CLNK: variants seen among roughly 807,000 people sequenced by gnomAD.
CLNK encodes the protein cytokine-dependent hematopoietic cell linker.
Under a neutral mutation model 68.6 loss-of-function variants are expected in CLNK, and 74 were observed. The observed-to-expected ratio is 1.08, with a 90% confidence interval of 0.89 to 1.31. The LOEUF (loss-of-function observed/expected upper bound fraction) is 1.31. Among genes scored for constraint, CLNK ranks in the 50% most tolerant of loss-of-function variants. CLNK has a pLI of 0.00. For missense variants in CLNK, 553 were observed against 515.3 expected, an observed-to-expected ratio of 1.07 and a Z score of -0.71; for synonymous variants, 198 against 172.2, an observed-to-expected ratio of 1.15 and a Z score of -1.17.
chr4:10,726,964 G>A, the CLNK span, among the ~76,000 whole-genome samples: 13 of 152,234 alleles, frequency 8.5e-5, no homozygotes, highest in East Asian at 1.9e-3. Flanking sequence ...GCAAGTGACG[G>A]GCCAAAATGC....
At chr4:10,734,455 A>G in the CLNK span, among the ~76,000 whole-genome samples, 3 of 152,194 alleles carry the variant, frequency 2.0e-5, no homozygotes, top group African/African-American at 7.2e-5. Context: ...TTTACTCAGG[A>G]CCAGTCTGTT....
chr4:10,692,830 C>T, the CLNK span, among the ~76,000 whole-genome samples: 1 of 152,108 alleles, frequency 6.6e-6, no homozygotes, highest in Non-Finnish European at 1.5e-5. Context: ...ACTTGCTCAG[C>T]CTTGTAGATT....
intron 11 of CLNK, 111 bp from the exon 12 acceptor site, chr4:10,532,394 G>T: frequency 1.2e-6 from 1 of 820,866 alleles, no homozygotes; most frequent in Non-Finnish European, 2.0e-6. Flanking sequence ...CAAATTAACA[G>T]CCCATAGTCC....
At chr4:10,701,622 A>C in the CLNK span, among the ~76,000 whole-genome samples, 1 of 152,228 alleles carries the variant, frequency 6.6e-6, no homozygotes, top group Non-Finnish European at 1.5e-5. Context: ...ACTGATCCTA[A>C]GAAACACTTA....
At chr4:10,718,876 A>G in the CLNK span, among the ~76,000 whole-genome samples, 1 of 152,114 alleles carries the variant, frequency 6.6e-6, no homozygotes, top group Non-Finnish European at 1.5e-5. Context: ...TGATAATTAT[A>G]TTATAAATGG....
At chr4:10,531,849 T>C (rs1001425892) in intron 12 of CLNK, 38 of 463,764 alleles carry the variant, frequency 8.2e-5, no homozygotes, top group Non-Finnish European at 1.4e-4. Context: ...CCAGGTCTTG[T>C]GCAACTTTGG....
intron 14 of CLNK, among the ~76,000 whole-genome samples, chr4:10,521,838 T>C (rs1017045743): frequency 6.6e-6 from 1 of 152,142 alleles, no homozygotes; most frequent in African/African-American, 2.4e-5. Flanking sequence ...ATAGCAAAAT[T>C]TCTCTGCGCT....
chr4:10,564,560 A>T lies in CLNK; in HGVS notation c.399+111T>A, dbSNP rs1720023761. The stretch of plus-strand genomic sequence containing the variant: ...CCTCCCATCCACCTCAGTGAGCTTG[A>T]CCTGCTCTTTCCCTAATAAGATGGC... On this transcript the variant is annotated intron_variant, in intron 7 of 18. Transcript: ENST00000226951. The T allele has an allele frequency of 5.4e-6, 4 of 744,486 alleles. No homozygotes were observed. In the African/African-American group the frequency reaches 6.9e-5, roughly 13 times the overall value. 46.1% of individuals were successfully genotyped at this position (744,486 alleles called of 1,614,324 possible).
chr4:10,594,976 C>G (rs1161101061), intron 3 of CLNK, among the ~76,000 whole-genome samples: 1 of 152,150 alleles, frequency 6.6e-6, no homozygotes, highest in Non-Finnish European at 1.5e-5. Flanking sequence ...TGCCTGTAAT[C>G]CCAGCTACTG....
At chr4:10,602,811 A>G (rs1721639414) in intron 2 of CLNK, among the ~76,000 whole-genome samples, 1 of 152,234 alleles carries the variant, frequency 6.6e-6, no homozygotes, top group South Asian at 2.1e-4. Flanking sequence ...AAATGTACAC[A>G]TGGTCTAGAA....
intron 2 of CLNK, among the ~76,000 whole-genome samples, chr4:10,631,186 C>G (rs1283791643): frequency 1.3e-5 from 2 of 152,166 alleles, no homozygotes; most frequent in African/African-American, 4.8e-5. Context: ...CCGAAGAGCT[C>G]TACAGGTTCT....
chr4:10,682,833 T>G (rs1725143518), intron 1 of CLNK, among the ~76,000 whole-genome samples: 1 of 152,232 alleles, frequency 6.6e-6, no homozygotes, highest in Admixed American at 6.5e-5. Context: ...TTCAAAGGCC[T>G]ACATTACATA....
chr4:10,722,607 G>C, the CLNK span, among the ~76,000 whole-genome samples: 1 of 152,072 alleles, frequency 6.6e-6, no homozygotes, highest in Non-Finnish European at 1.5e-5. Flanking sequence ...TCTTAACAAA[G>C]AATTACACAA....
intron 5 of CLNK, among the ~76,000 whole-genome samples, chr4:10,571,307 G>C (rs1047499003): frequency 8.5e-6 from 1 of 117,172 alleles, no homozygotes; most frequent in Non-Finnish European, 1.8e-5. Flanking sequence ...AGTATTTTTT[G>C]TTGTTGTTGT....
the CLNK span, among the ~76,000 whole-genome samples, chr4:10,726,531 T>C: frequency 1.3e-5 from 2 of 152,162 alleles, no homozygotes; most frequent in Non-Finnish European, 2.9e-5. Context: ...ACATCTGCAA[T>C]TGCTCTGTTT....
At chr4:10,517,866 C>A (rs1294764274) in intron 15 of CLNK, among the ~76,000 whole-genome samples, 1 of 152,178 alleles carries the variant, frequency 6.6e-6, no homozygotes, top group Non-Finnish European at 1.5e-5. Flanking sequence ...ACAAGAAGAA[C>A]AAGTTTGCCA....
In CLNK at chr4:10,566,077, C is replaced by G. The variant is rs374862123; in HGVS notation, c.224G>C (p.Arg75Pro). ...SDDDYDDPEL[R>P]MEETWQSIKI... ...AATCGACTGCCATGTCTCTTCCATC[C>G]GAAGCTCAGGGTCATCATAGTCATC... The change falls in exon 6 of 19, where the codon CGG becomes CCG. Residue 75 changes from arginine to proline, a missense_variant. Coordinates refer to ENST00000226951, the MANE Select transcript of CLNK (RefSeq NM_052964.4). 2.5e-6 allele frequency: 4 copies of G among 1,613,898 alleles called. No homozygotes were observed. The South Asian group carries it at 3.3e-5, about 13-fold the overall frequency.
intron 2 of CLNK, among the ~76,000 whole-genome samples, chr4:10,664,063 T>G (rs1409063358): frequency 6.6e-6 from 1 of 152,192 alleles, no homozygotes; most frequent in Non-Finnish European, 1.5e-5. Flanking sequence ...GCTATTTTGT[T>G]ATAGCCACCC....
At chr4:10,675,984 T>C (rs1452370026) in intron 1 of CLNK, among the ~76,000 whole-genome samples, 1 of 151,992 alleles carries the variant, frequency 6.6e-6, no homozygotes, top group African/African-American at 2.4e-5. Flanking sequence ...TCCAAAATGG[T>C]GAATGATTTT....
Sources: gnomAD v4.1 joint callset for allele counts (sites outside exome capture counted in the v4.1 genomes callset) on GRCh38, gnomAD v4.1.1 for gene constraint, MANE v1.5 for transcripts, NCBI Gene and HGNC (gene_info 2026-07-23, HGNC 2026-07-21) for gene names.